Variants in ADGRG4 observed in about 807,000 individuals in gnomAD.
ADGRG4 encodes the protein G protein-coupled receptor 112.
A neutral mutation model predicts 126.2 loss-of-function variants in ADGRG4; 122 were observed. The observed-to-expected ratio is 0.97, with a 90% confidence interval of 0.83 to 1.12. The LOEUF (loss-of-function observed/expected upper bound fraction) is 1.12. Ranked by LOEUF, ADGRG4 falls within the 50% of genes most tolerant of loss-of-function variation. The pLI is 0.00. For missense variants in ADGRG4, 2,481 were observed against 2,251.8 expected (o/e 1.10, Z -2.06); for synonymous variants, 943 against 838.7 (o/e 1.12, Z -2.15).
At chrX:136,366,805 A>G (rs1391508695) in intron 13 of ADGRG4, among the ~76,000 whole-genome samples, 2 of 111,922 alleles carry the variant, frequency 1.8e-5, no homozygotes, top group Non-Finnish European at 3.8e-5. Context: ...ATAGCTTTTC[A>G]TATGCATATT....
chrX:136,404,423 C>A (rs1443402111), intron 22 of ADGRG4, among the ~76,000 whole-genome samples: 1 of 111,746 alleles, frequency 8.9e-6, no homozygotes, highest in Non-Finnish European at 1.9e-5. Flanking sequence ...AAGAGGCCGA[C>A]TGCTCTAATA....
chrX:136,414,366 A>G (rs750177370), intron 25 of ADGRG4, 39 bp downstream of exon 25: 7 of 1,069,855 alleles, frequency 6.5e-6, no homozygotes, highest in Non-Finnish European at 8.9e-6. Context: ...TTTATATTCC[A>G]GAGATATTGA....
At chrX:136,356,799 A>C (rs944613710) in intron 9 of ADGRG4, among the ~76,000 whole-genome samples, 4 of 111,947 alleles carry the variant, frequency 3.6e-5, no homozygotes, top group Admixed American at 2.8e-4. Context: ...GGAGTTCAAG[A>C]CCAGTCTGAG....
chrX:136,327,322 C>T (rs1025478647), intron 5 of ADGRG4, among the ~76,000 whole-genome samples: 6 of 110,528 alleles, frequency 5.4e-5, no homozygotes, highest in South Asian at 7.6e-4. Context: ...TGTTAGATGA[C>T]GGGTTGATGG....
At chrX:136,392,477 C>A in intron 17 of ADGRG4, 123 bp downstream of exon 17, 1 of 599,137 alleles carries the variant, frequency 1.7e-6, no homozygotes, top group East Asian at 3.7e-5. Context: ...TGTCCTATTC[C>A]AGGTAGCAAA....
At chrX:136,361,643 T>A in intron 12 of ADGRG4, 56 bp downstream of exon 12, 1 of 929,925 alleles carries the variant, frequency 1.1e-6, no homozygotes, top group South Asian at 3.3e-5. Context: ...TCTACCTAAT[T>A]GGGGACATGT....
chrX:136,351,671 G>T (rs1297358582), intron 7 of ADGRG4, 130 bp downstream of exon 7: 22 of 248,683 alleles, frequency 8.8e-5, no homozygotes, highest in South Asian at 1.5e-4. Context: ...CAGCTAAGTA[G>T]TTTTTTTTTT....
At chrX:136,373,125 A>G in intron 15 of ADGRG4, 61 bp downstream of exon 15, 1 of 1,029,656 alleles carries the variant, frequency 9.7e-7, no homozygotes, top group Non-Finnish European at 1.3e-6. Flanking sequence ...GTCTTCATTC[A>G]TTTACTCCTT....
intron 15 of ADGRG4, among the ~76,000 whole-genome samples, chrX:136,383,813 CCTTTCTTTCTTT>C (rs373849599): frequency 0.037 from 2,208 of 59,539 alleles, 109 homozygotes; most frequent in Admixed American, 0.12. Context: ...TATATATTTG[CCTTTCTTTCTTT>C]CTTTCTTTCT....
Position 136,345,194 on chromosome X carries a change from T to G in ADGRG4, c.1488T>G (p.Thr496=). ...AGACAGCATTTCCATTGGCAACAAC[T>G]GATATGAAAATAGCATTTACAGTCC... ...RNQTAFPLAT[T]DMKIAFTVHS... The change falls in exon 6 of 26, where the codon ACT becomes ACG. Residue 496 remains threonine, a synonymous_variant. Coordinates refer to ENST00000394143, the MANE Select transcript of ADGRG4 (RefSeq NM_153834.4). 2 of 1,210,061 alleles carry G rather than the reference T, an allele frequency of 1.7e-6. No homozygotes were observed. The highest frequency in any genetic ancestry group is 2.2e-6 in the Non-Finnish European group (2 of 894,021).
chrX:136,405,892 C>T lies in ADGRG4; in HGVS notation c.8855C>T (p.Thr2952Ile). 1 of 1,185,719 alleles carries T rather than the reference C, an allele frequency of 8.4e-7. No individual in the cohort carries two copies. The highest frequency in any genetic ancestry group is 1.1e-6 in the Non-Finnish European group (1 of 881,783). Reference sequence around the variant, plus strand: ...AGCCTGACATTCTTACTTGGCCTCACCTGGGGGTTTGCATTTTTTGCTTGG... The same window carrying T: ...AGCCTGACATTCTTACTTGGCCTCATCTGGGGGTTTGCATTTTTTGCTTGG... ...TMSLTFLLGL[T>I]WGFAFFAWGP... Residue 2952 changes from threonine (T) to isoleucine (I), a missense_variant, in exon 23 of 26, where the codon ACC (threonine) becomes ATC (isoleucine). By Grantham distance (89) the Thr-to-Ile change is moderately conservative (BLOSUM62 -1). Coordinates refer to ENST00000394143, the MANE Select transcript of ADGRG4 (RefSeq NM_153834.4).
At chrX:136,354,836 G>A (rs1030447193) in intron 8 of ADGRG4, among the ~76,000 whole-genome samples, 60 of 111,713 alleles carry the variant, frequency 5.4e-4, no homozygotes, top group African/African-American at 1.5e-3. Flanking sequence ...TGTGTAAGGC[G>A]AGGTAAGGGA....
intron 24 of ADGRG4, among the ~76,000 whole-genome samples, chrX:136,412,655 C>T (rs956023072): frequency 1.8e-5 from 2 of 112,381 alleles, no homozygotes; most frequent in South Asian, 3.7e-4. Context: ...ACACTGAATG[C>T]GTGCCTACTG....
At position 136,348,809 on chromosome X, in the gene ADGRG4, A is replaced by G. The variant is rs145414945; in HGVS notation, c.5103A>G (p.Ser1701=). The change falls in exon 6 of 26, where the codon TCA becomes TCG. Residue 1701 remains serine, a synonymous_variant. Transcript: ENST00000394143. ...AGACCACATTTTCACCATTTCTATC[A>G]GCAACTCAACAGTCATCACAAGCAG... ...IPKTTFSPFL[S]ATQQSSQADE... 93 of 1,206,382 alleles carry G rather than the reference A, an allele frequency of 7.7e-5. No homozygotes were observed. The highest frequency in any genetic ancestry group is 9.6e-5 in the Non-Finnish European group (86 of 894,156).
chrX:136,321,907 A>G (rs2074841749), intron 4 of ADGRG4, among the ~76,000 whole-genome samples: 1 of 112,323 alleles, frequency 8.9e-6, no homozygotes, highest in Non-Finnish European at 1.9e-5. Context: ...GGCATAGACT[A>G]TAATGTGAAT....
Position 136,347,208 on chromosome X carries a change from C to A in ADGRG4, c.3502C>A (p.Pro1168Thr). 8.3e-7 allele frequency: 1 copy of A among 1,210,535 alleles called. No individual in the cohort carries two copies. The highest frequency in any genetic ancestry group is 1.8e-5 in the South Asian group (1 of 56,926). The part of the protein sequence containing the change: ...STHVISTTST[P>T]EATQPISQVE... ...TCATGTGATCTCAACTACGTCTACA[C>A]CAGAAGCAACTCAACCAATATCTCA... Residue 1168 changes from proline to threonine, a missense_variant, in exon 6 of 26, where the codon CCA becomes ACA. Physicochemically the swap from Pro to Thr is conservative, Grantham distance 38. Transcript: ENST00000394143.
chrX:136,311,894 G>A lies in ADGRG4; in HGVS notation c.70+3047G>A, dbSNP rs762400584. On this transcript the variant is annotated intron_variant, in intron 4 of 25. Transcript: ENST00000394143. ...AAATTGTAAATAGACACAGGATCTC[G>A]CTGTGTTGCCCGGACTGGTCTTGAA... Among the ~76,000 whole-genome samples the A allele has an allele frequency of 6.1e-4, 68 of 110,876 alleles. 1 individual carries two copies. Among genetic ancestry groups the A allele is most frequent in the African/African-American group, 2.2e-3 (67 of 30,495 alleles).
intron 15 of ADGRG4, among the ~76,000 whole-genome samples, chrX:136,383,813 C>CCTTCCTTTCTTT (rs2075276013): frequency 1.7e-5 from 1 of 59,589 alleles, no homozygotes; most frequent in Non-Finnish European, 3.2e-5. Flanking sequence ...TATATATTTG[C>CCTTCCTTTCTTT]CTTTCTTTCT....
chrX:136,366,731 T>C (rs2075160783), intron 13 of ADGRG4, among the ~76,000 whole-genome samples: 1 of 112,433 alleles, frequency 8.9e-6, no homozygotes, highest in Admixed American at 9.4e-5. Flanking sequence ...GCTATTCTAA[T>C]AGGTGTGTAG....
Sources: allele counts gnomAD v4.1 joint callset (sites outside exome capture counted in the v4.1 genomes callset), GRCh38; gene constraint gnomAD v4.1.1; transcripts MANE v1.5; gene names NCBI Gene and HGNC (gene_info 2026-07-23, HGNC 2026-07-21).